The following KITLG variants were observed in gnomAD, a reference collection of about 807,000 sequenced individuals.
KITLG encodes KIT ligand.
A neutral mutation model predicts 34.1 loss-of-function variants in KITLG; 13 were observed. The ratio of observed to expected loss-of-function variants is 0.38; its 90% CI spans 0.25 to 0.61. The LOEUF is 0.61. Among genes scored for constraint, KITLG ranks in the 20% least tolerant of loss-of-function variants. KITLG has a pLI of 0.60. For synonymous variants in KITLG, 110 were observed against 104.0 expected, an observed-to-expected ratio of 1.06 and a Z score of -0.35; for missense variants, 292 against 318.9, an observed-to-expected ratio of 0.92 and a Z score of 0.64.
rs1868592426 is a variant in KITLG at position 88,495,287 on chromosome 12, C to T, written c.*1932G>A. On this transcript the variant is annotated 3_prime_UTR_variant, in exon 10 of 10. Coordinates refer to ENST00000644744, the MANE Select transcript of KITLG (RefSeq NM_000899.5). ...ATCAAACTACTAGATTGAGAAGTAT[C>T]TATCTTCTCAATCTATACACAACCT... is the stretch of plus-strand genomic sequence containing the variant. 6.6e-6 allele frequency: 1 copy of T among 151,968 alleles called. No individual in the cohort carries two copies. Among genetic ancestry groups the T allele is most frequent in the African/African-American group, 2.4e-5 (1 of 41,420 alleles). The allele number at this position is 151,968 out of a possible 1,614,324, so 9.4% of individuals were successfully genotyped here. A position where few individuals can be genotyped will look rare whatever the true frequency, so the allele number is the denominator to read the frequency against.
chr12:88,529,211 GT>G (rs1869989401), intron 3 of KITLG, among the ~76,000 whole-genome samples: 1 of 152,096 alleles, frequency 6.6e-6, no homozygotes, highest in South Asian at 2.1e-4. Context: ...GCAACCCACA[GT>G]TTATGTAAAT....
At chr12:88,546,443 C>T (rs1326432734) in intron 1 of KITLG, among the ~76,000 whole-genome samples, 2 of 152,146 alleles carry the variant, frequency 1.3e-5, no homozygotes, top group East Asian at 3.9e-4. Flanking sequence ...ATTTCCTTAG[C>T]CAACAGGAAG....
chr12:88,516,523 T>G, intron 4 of KITLG, 33 bp from the exon 5 acceptor site: 2 of 1,458,940 alleles, frequency 1.4e-6, no homozygotes, highest in East Asian at 4.6e-5. Context: ...ATTTTTCAAA[T>G]AGTCTTCAGA....
chr12:88,534,247 C>G (rs1203515340), intron 2 of KITLG, among the ~76,000 whole-genome samples: 1 of 152,140 alleles, frequency 6.6e-6, no homozygotes, highest in Non-Finnish European at 1.5e-5. Context: ...TCCCTTGTCT[C>G]TTAGCTCCAC....
In KITLG at chr12:88,506,501, T is replaced by G. The variant is rs1300282316; in HGVS notation, c.715-123A>C. On this transcript the variant is annotated intron_variant, in intron 7 of 9. Coordinates refer to ENST00000644744, the MANE Select transcript of KITLG (RefSeq NM_000899.5). ...CTCCAATAACAGTTTTTTCAGCATG[T>G]AGCATGCAAAATATCTTTGTAATAA... 32 of 747,146 alleles carry G rather than the reference T, an allele frequency of 4.3e-5. No individual in the cohort carries two copies. The Admixed American group carries it at 6.2e-4, about 14-fold the overall frequency. The allele number at this position is 747,146 out of a possible 1,614,324, so 46.3% of individuals were successfully genotyped here. A position where few individuals can be genotyped will look rare whatever the true frequency, so the allele number is the denominator to read the frequency against.
At chr12:88,563,081 G>A (rs913771565) in intron 1 of KITLG, among the ~76,000 whole-genome samples, 8 of 152,106 alleles carry the variant, frequency 5.3e-5, no homozygotes, top group South Asian at 2.1e-4. Flanking sequence ...ATTGTAATAC[G>A]CAACCATAAA....
intron 1 of KITLG, among the ~76,000 whole-genome samples, chr12:88,554,081 A>T (rs1213016697): frequency 2.6e-5 from 4 of 152,178 alleles, no homozygotes; most frequent in Non-Finnish European, 5.9e-5. Flanking sequence ...CATGCCAGGA[A>T]AAGGAGCTAC....
intron 3 of KITLG, among the ~76,000 whole-genome samples, chr12:88,521,715 G>A (rs1031189999): frequency 3.3e-5 from 5 of 152,022 alleles, no homozygotes; most frequent in Non-Finnish European, 5.9e-5. Flanking sequence ...TGCTTTATTC[G>A]CCTGTATGTA....
At chr12:88,522,484 A>T (rs1364164395) in intron 3 of KITLG, among the ~76,000 whole-genome samples, 1 of 146,048 alleles carries the variant, frequency 6.8e-6, no homozygotes, top group Non-Finnish European at 1.5e-5. Context: ...CTGGAGTGCA[A>T]TGGCGTGGTC....
chr12:88,549,206 G>A (rs181869309), intron 1 of KITLG, among the ~76,000 whole-genome samples: 159 of 152,282 alleles, frequency 1.0e-3, no homozygotes, highest in South Asian at 5.8e-3. Context: ...CATGTAGGGC[G>A]TTGAAGCCTA....
At chr12:88,524,579 T>A (rs899351294) in intron 3 of KITLG, among the ~76,000 whole-genome samples, 1 of 152,132 alleles carries the variant, frequency 6.6e-6, no homozygotes, top group South Asian at 2.1e-4. Context: ...TAATTTCAGC[T>A]GCTCGTTTTT....
chr12:88,506,795 A>G (rs1227213012), intron 7 of KITLG, among the ~76,000 whole-genome samples: 1 of 152,176 alleles, frequency 6.6e-6, no homozygotes, highest in African/African-American at 2.4e-5. Flanking sequence ...TCCTTTTCAT[A>G]TTTAGTTCAG....
intron 1 of KITLG, among the ~76,000 whole-genome samples, chr12:88,558,829 TGTTA>T (rs1871188817): frequency 6.6e-6 from 1 of 152,196 alleles, no homozygotes; most frequent in Admixed American, 6.5e-5. Context: ...AGTGTTATAT[TGTTA>T]AAGAAAACAA....
intron 1 of KITLG, among the ~76,000 whole-genome samples, chr12:88,572,610 T>TAC (rs1349276559): frequency 6.8e-6 from 1 of 146,798 alleles, no homozygotes; most frequent in African/African-American, 2.5e-5. Context: ...TATATATATA[T>TAC]ATATATATAA....
chr12:88,529,160 A>AT (rs1336704943), intron 3 of KITLG, among the ~76,000 whole-genome samples: 1 of 152,168 alleles, frequency 6.6e-6, no homozygotes, highest in African/African-American at 2.4e-5. Context: ...AAATAAAAAA[A>AT]TTTTTTTAAA....
chr12:88,568,361 T>C (rs988302994), intron 1 of KITLG, among the ~76,000 whole-genome samples: 1 of 152,038 alleles, frequency 6.6e-6, no homozygotes, highest in Admixed American at 6.6e-5. Flanking sequence ...GGTCTCACTA[T>C]GTTGCCCAGG....
At chr12:88,515,405 T>C in intron 6 of KITLG, 129 bp downstream of exon 6, 1 of 637,070 alleles carries the variant, frequency 1.6e-6, no homozygotes, top group South Asian at 1.8e-5. Flanking sequence ...AAGAAGACCA[T>C]AAAAGGAATA....
chr12:88,558,653 A>G (rs1447587618), intron 1 of KITLG, among the ~76,000 whole-genome samples: 1 of 152,172 alleles, frequency 6.6e-6, no homozygotes, highest in Non-Finnish European at 1.5e-5. Context: ...GTTTAGATGA[A>G]AGTGTAATCA....
At chr12:88,541,794 T>C (rs142590479) in intron 2 of KITLG, among the ~76,000 whole-genome samples, 3,783 of 152,146 alleles carry the variant, frequency 0.025, 176 homozygotes, top group Admixed American at 0.12. Context: ...GTGGGGGCAG[T>C]ACAAAGTGTT....
Sources: gnomAD v4.1 joint callset for allele counts (sites outside exome capture counted in the v4.1 genomes callset) on GRCh38, gnomAD v4.1.1 for gene constraint, MANE v1.5 for transcripts, NCBI Gene and HGNC (gene_info 2026-07-23, HGNC 2026-07-21) for gene names.